FGF14: variants seen among roughly 807,000 people sequenced by gnomAD.
FGF14 encodes the protein fibroblast growth factor homologous factor 4.
FGF14 carries 5 observed loss-of-function variants against 25.5 expected under a neutral mutation model. That is an observed-to-expected ratio of 0.20 (90% CI 0.10 to 0.41). FGF14 has a LOEUF of 0.41. Among genes scored for constraint, FGF14 ranks in the 10% least tolerant of loss-of-function variants. The pLI, the probability that FGF14 is intolerant of heterozygous loss-of-function variation, is 1.00. For missense variants in FGF14, 222 were observed against 320.1 expected (o/e 0.69, Z 2.34); for synonymous variants, 138 against 118.3 (o/e 1.17, Z -1.08).
chr13:101,723,026 G>A, intron 4 of FGF14, 59 bp from the exon 5 acceptor site: 3 of 1,603,872 alleles, frequency 1.9e-6, no homozygotes, highest in Non-Finnish European at 2.6e-6. Context: ...GTGTGAGAAT[G>A]GTCCATCCAT....
chr13:102,096,449 T>C (rs4633569), intron 1 of FGF14, among the ~76,000 whole-genome samples: 58,721 of 151,934 alleles, frequency 0.39, 13,457 homozygotes, highest in Non-Finnish European at 0.51. Flanking sequence ...AACACACCAC[T>C]AATTTGGATA....
intron 3 of FGF14, among the ~76,000 whole-genome samples, chr13:101,794,001 T>TCA (rs754474242): frequency 3.9e-5 from 6 of 151,970 alleles, no homozygotes; most frequent in East Asian, 3.9e-4. Flanking sequence ...TGCCACTGCA[T>TCA]CACACACACA....
At chr13:102,026,176 T>C (rs1370547350) in intron 1 of FGF14, among the ~76,000 whole-genome samples, 1 of 152,038 alleles carries the variant, frequency 6.6e-6, no homozygotes, top group African/African-American at 2.4e-5. Context: ...CAAATGCTTT[T>C]TCTTCATTGA....
intron 3 of FGF14, among the ~76,000 whole-genome samples, chr13:101,768,503 A>T (rs1274031901): frequency 6.6e-6 from 1 of 152,152 alleles, no homozygotes; most frequent in Non-Finnish European, 1.5e-5. Context: ...AAGGTCCAAG[A>T]ATATCCACCA....
chr13:101,843,332 C>T (rs900355095), intron 3 of FGF14, among the ~76,000 whole-genome samples: 1 of 151,918 alleles, frequency 6.6e-6, no homozygotes, highest in Admixed American at 6.6e-5. Flanking sequence ...TTTCATATTG[C>T]TACATCTACT....
At chr13:101,895,107 T>C (rs1447148479) in intron 1 of FGF14, among the ~76,000 whole-genome samples, 1 of 152,206 alleles carries the variant, frequency 6.6e-6, no homozygotes, top group Admixed American at 6.6e-5. Context: ...AATATTAATA[T>C]CCATCTCTGG....
intron 3 of FGF14, among the ~76,000 whole-genome samples, chr13:101,751,966 G>A (rs1287445082): frequency 6.6e-6 from 1 of 151,932 alleles, no homozygotes; most frequent in Non-Finnish European, 1.5e-5. Flanking sequence ...CTCCATCCTT[G>A]GACACATACC....
At chr13:102,006,727 C>CAT (rs2039812804) in intron 1 of FGF14, among the ~76,000 whole-genome samples, 1 of 61,966 alleles carries the variant, frequency 1.6e-5, no homozygotes, top group South Asian at 7.3e-4. Context: ...AATCTTACTT[C>CAT]TTTTTTTTTT....
At chr13:102,193,764 A>C (rs1242424611) in intron 1 of FGF14, among the ~76,000 whole-genome samples, 1 of 152,184 alleles carries the variant, frequency 6.6e-6, no homozygotes, top group Non-Finnish European at 1.5e-5. Context: ...AACAATAGCA[A>C]ACTGTGAAGA....
At chr13:102,349,328 A>G (rs1390514158) in intron 1 of FGF14, among the ~76,000 whole-genome samples, 1 of 151,688 alleles carries the variant, frequency 6.6e-6, no homozygotes, top group Non-Finnish European at 1.5e-5. Flanking sequence ...TTCCCTTTAT[A>G]CCCAAACTTC....
chr13:102,368,603 T>C (rs954856799), intron 1 of FGF14, among the ~76,000 whole-genome samples: 1 of 152,188 alleles, frequency 6.6e-6, no homozygotes, highest in Non-Finnish European at 1.5e-5. Context: ...AAATATCACA[T>C]TGCCTACTTA....
At chr13:101,943,622 C>T (rs1208699956) in intron 1 of FGF14, among the ~76,000 whole-genome samples, 8 of 151,984 alleles carry the variant, frequency 5.3e-5, no homozygotes, top group African/African-American at 1.5e-4. Flanking sequence ...GCCACTTACC[C>T]GCTGCATGCA....
chr13:101,830,853 C>G (rs974159633), intron 3 of FGF14, among the ~76,000 whole-genome samples: 1 of 152,032 alleles, frequency 6.6e-6, no homozygotes, highest in Non-Finnish European at 1.5e-5. Flanking sequence ...ACCTTTCCAG[C>G]TCTAGAGGCT....
At chr13:102,318,536 T>C (rs2056122625) in intron 1 of FGF14, among the ~76,000 whole-genome samples, 1 of 152,168 alleles carries the variant, frequency 6.6e-6, no homozygotes, top group African/African-American at 2.4e-5. Context: ...GCTAGTGGTT[T>C]TTCTGCCTGT....
chr13:102,319,615 A>G (rs1234723739), intron 1 of FGF14, among the ~76,000 whole-genome samples: 11 of 152,248 alleles, frequency 7.2e-5, no homozygotes, highest in African/African-American at 2.7e-4. Flanking sequence ...GCGATGCCTT[A>G]CAATTGCTAC....
At chr13:102,009,892 T>C (rs1363268233) in intron 1 of FGF14, among the ~76,000 whole-genome samples, 3 of 152,288 alleles carry the variant, frequency 2.0e-5, no homozygotes, top group East Asian at 1.9e-4. Context: ...TCCAAAGCCA[T>C]ACAAAGATGA....
At chr13:102,246,749 A>AAC (rs964900659) in intron 1 of FGF14, among the ~76,000 whole-genome samples, 8 of 101,192 alleles carry the variant, frequency 7.9e-5, no homozygotes, top group African/African-American at 3.4e-4. Flanking sequence ...TTTTATATGG[A>AAC]ACATATATAT....
chr13:102,273,093 A>C (rs563685290), intron 1 of FGF14, among the ~76,000 whole-genome samples: 7 of 152,210 alleles, frequency 4.6e-5, no homozygotes, highest in Admixed American at 6.5e-5. Flanking sequence ...AGAAAAAGGC[A>C]AAGACTTTTC....
At chr13:101,829,676 C>T (rs2984829) in intron 3 of FGF14, among the ~76,000 whole-genome samples, 95,865 of 151,880 alleles carry the variant, frequency 0.63, 31,373 homozygotes, top group African/African-American at 0.81. Flanking sequence ...CAGGATCTGC[C>T]AGAGTTGGAA....
Sources: allele counts gnomAD v4.1 joint callset (sites outside exome capture counted in the v4.1 genomes callset), GRCh38; gene constraint gnomAD v4.1.1; transcripts MANE v1.5; gene names NCBI Gene and HGNC (gene_info 2026-07-23, HGNC 2026-07-21).